The following FAT3 variants were observed in gnomAD, a reference collection of about 807,000 sequenced individuals.
FAT3 encodes the protein protocadherin Fat 3.
In FAT3, 95 loss-of-function variants were observed where a neutral mutation model predicts 310.2. That is an observed-to-expected ratio of 0.31 (90% CI 0.26 to 0.36). The LOEUF (loss-of-function observed/expected upper bound fraction) is 0.36, where lower values mean the gene tolerates loss of function less well. Ranked by LOEUF, FAT3 falls within the 10% of genes least tolerant of loss-of-function variation. FAT3 has a pLI of 1.00. For missense variants in FAT3, 5,408 were observed against 5,715.6 expected, an observed-to-expected ratio of 0.95 and a Z score of 1.74; for synonymous variants, 2,314 against 2,192.9, an observed-to-expected ratio of 1.06 and a Z score of -1.54.
intron 24 of FAT3, chr11:92,886,770 G>A: frequency 2.2e-6 from 1 of 461,624 alleles, no homozygotes; most frequent in South Asian, 3.3e-5. Flanking sequence ...CAGCTGTTTG[G>A]AAGCTCATTT....
At chr11:92,502,138 C>T (rs959118898) in intron 2 of FAT3, among the ~76,000 whole-genome samples, 1 of 151,908 alleles carries the variant, frequency 6.6e-6, no homozygotes, top group African/African-American at 2.4e-5. Context: ...AAAGCTGGGC[C>T]GGCAGCAAGG....
At chr11:92,764,240 G>A (rs774599682) in intron 5 of FAT3, among the ~76,000 whole-genome samples, 2 of 151,966 alleles carry the variant, frequency 1.3e-5, no homozygotes, top group African/African-American at 2.4e-5. Context: ...CTGTGCTATC[G>A]AGAGAGTTCT....
intron 2 of FAT3, among the ~76,000 whole-genome samples, chr11:92,377,093 G>C (rs1202749685): frequency 1.3e-5 from 2 of 152,194 alleles, no homozygotes; most frequent in Non-Finnish European, 2.9e-5. Context: ...TGTACAGTCT[G>C]TACGTGTAAG....
chr11:92,357,664 C>G (rs1484118322), intron 2 of FAT3, among the ~76,000 whole-genome samples: 1 of 151,936 alleles, frequency 6.6e-6, no homozygotes. Context: ...ATGACTACAT[C>G]AAGCCATACT....
At chr11:92,690,497 G>A (rs12278509) in intron 3 of FAT3, among the ~76,000 whole-genome samples, 4,237 of 152,206 alleles carry the variant, frequency 0.028, 215 homozygotes, top group African/African-American at 0.096. Context: ...CCTTACTTAA[G>A]AAGCATATCT....
intron 19 of FAT3, among the ~76,000 whole-genome samples, chr11:92,855,156 G>A (rs1948937671): frequency 6.6e-6 from 1 of 152,234 alleles, no homozygotes; most frequent in Non-Finnish European, 1.5e-5. Flanking sequence ...GGCTGTCAGA[G>A]ACTGAGATGA....
At chr11:92,736,172 A>G (rs1333894089) in intron 4 of FAT3, among the ~76,000 whole-genome samples, 1 of 152,176 alleles carries the variant, frequency 6.6e-6, no homozygotes, top group Non-Finnish European at 1.5e-5. Flanking sequence ...GAGAAGTCTC[A>G]TTCTTGGCAA....
At chr11:92,277,939 C>A (rs962010973) in intron 1 of FAT3, among the ~76,000 whole-genome samples, 1 of 151,808 alleles carries the variant, frequency 6.6e-6, no homozygotes, top group Non-Finnish European at 1.5e-5. Flanking sequence ...AAAAAATTAG[C>A]TGGGCCTGGT....
rs539696480 is a variant in FAT3 at position 92,589,630 on chromosome 11, T to C, written c.3607+64682T>C. On this transcript the variant is annotated intron_variant, in intron 3 of 27. Coordinates refer to ENST00000525166, the MANE Select transcript of FAT3 (RefSeq NM_001367949.2). ...AGTGGATATATCATATTTGCTTTAC[T>C]CAACTAAGCTTTTTTCTTGATTGAG... is the stretch of plus-strand genomic sequence containing the variant. Among the ~76,000 whole-genome samples the C allele has an allele frequency of 3.9e-5, 6 of 152,188 alleles. No individual in the cohort carries two copies. In the South Asian group the frequency reaches 1.2e-3, roughly 32 times the overall value.
intron 7 of FAT3, among the ~76,000 whole-genome samples, chr11:92,779,999 A>G (rs922687099): frequency 3.9e-4 from 60 of 152,276 alleles, no homozygotes; most frequent in African/African-American, 1.1e-3. Flanking sequence ...ACAAGGAACT[A>G]TATTCGGTCA....
At chr11:92,268,465 A>G (rs1214283326) in intron 1 of FAT3, among the ~76,000 whole-genome samples, 1 of 146,856 alleles carries the variant, frequency 6.8e-6, no homozygotes, top group African/African-American at 2.5e-5. Flanking sequence ...ATTGGTATAG[A>G]TTTCCTTTTT....
Position 92,806,376 on chromosome 11 carries a change from AT to A in FAT3, c.9110del (p.Leu3037TyrfsTer13). ...PVCDQVAYTA[L>X]LPEDIPSNKI... ...CCTTTGTCCAGGTTGCATATACAGCATTACTTCCTGAAGACATTCCATCAAA... is the reference window on the plus strand; with the variant it reads ...CCTTTGTCCAGGTTGCATATACAGCATACTTCCTGAAGACATTCCATCAAA... On this transcript the variant is annotated frameshift_variant, in exon 12 of 28. Coordinates refer to ENST00000525166, the MANE Select transcript of FAT3 (RefSeq NM_001367949.2). LOFTEE classifies it high-confidence loss of function. The A allele has an allele frequency of 6.2e-7, 1 of 1,600,092 alleles. No individual in the cohort carries two copies. Among genetic ancestry groups the A allele is most frequent in the South Asian group, 1.1e-5 (1 of 88,084 alleles).
chr11:92,432,183 G>A (rs1229376702), intron 2 of FAT3, among the ~76,000 whole-genome samples: 1 of 152,150 alleles, frequency 6.6e-6, no homozygotes, highest in Non-Finnish European at 1.5e-5. Context: ...TTGAGCAGTG[G>A]TTTGTAGTTC....
chr11:92,527,850 T>C (rs569599053), intron 3 of FAT3, among the ~76,000 whole-genome samples: 2 of 152,350 alleles, frequency 1.3e-5, no homozygotes, highest in African/African-American at 4.8e-5. Context: ...GATAGATACA[T>C]AGATACATAG....
chr11:92,524,187 A>G (rs78393340), intron 2 of FAT3, among the ~76,000 whole-genome samples: 4,921 of 152,256 alleles, frequency 0.032, 271 homozygotes, highest in African/African-American at 0.11. Flanking sequence ...AGATAAAATA[A>G]TTTACCCTAG....
At chr11:92,359,006 C>T (rs1662176312) in intron 2 of FAT3, among the ~76,000 whole-genome samples, 1 of 152,140 alleles carries the variant, frequency 6.6e-6, no homozygotes. Flanking sequence ...TGGTTAGCAG[C>T]TCTCAAACTT....
At chr11:92,578,588 T>C (rs1236941098) in intron 3 of FAT3, among the ~76,000 whole-genome samples, 1 of 152,134 alleles carries the variant, frequency 6.6e-6, no homozygotes, top group Admixed American at 6.6e-5. Context: ...CTTTTGATAA[T>C]GGACTGCAAA....
At chr11:92,431,160 T>C (rs2135025794) in intron 2 of FAT3, among the ~76,000 whole-genome samples, 1 of 152,332 alleles carries the variant, frequency 6.6e-6, no homozygotes, top group South Asian at 2.1e-4. Context: ...CTCCACATCC[T>C]CTCCAGCACC....
chr11:92,236,466 C>T (rs1270354322), intron 1 of FAT3, among the ~76,000 whole-genome samples: 4 of 151,960 alleles, frequency 2.6e-5, no homozygotes, highest in Non-Finnish European at 5.9e-5. Context: ...TGAGCAGGTG[C>T]GTGTCTTGGG....
Sources: gnomAD v4.1 joint callset for allele counts (sites outside exome capture counted in the v4.1 genomes callset) on GRCh38, gnomAD v4.1.1 for gene constraint, MANE v1.5 for transcripts, NCBI Gene and HGNC (gene_info 2026-07-23, HGNC 2026-07-21) for gene names.